Variants in SORCS3 observed in about 807,000 individuals in gnomAD.
SORCS3 encodes VPS10 domain-containing receptor SorCS3.
SORCS3 carries 57 observed loss-of-function variants against 146.3 expected under a neutral mutation model. The ratio of observed to expected loss-of-function variants is 0.39; its 90% CI spans 0.31 to 0.49. The LOEUF is 0.49. Among genes scored for constraint, SORCS3 ranks in the 20% least tolerant of loss-of-function variants. The probability of loss-of-function intolerance (pLI) is 0.92; values close to 1 mark genes in which losing one functional copy is unlikely to be tolerated. For missense variants in SORCS3, 1,341 were observed against 1,575.5 expected, an observed-to-expected ratio of 0.85 and a Z score of 2.52; for synonymous variants, 653 against 618.5, an observed-to-expected ratio of 1.06 and a Z score of -0.83.
intron 5 of SORCS3, among the ~76,000 whole-genome samples, chr10:105,076,494 C>T (rs1437103064): frequency 6.6e-6 from 1 of 152,212 alleles, no homozygotes; most frequent in Non-Finnish European, 1.5e-5. Flanking sequence ...ACTTTACCAA[C>T]CCCACCATCC....
intron 2 of SORCS3, among the ~76,000 whole-genome samples, chr10:104,871,415 T>C (rs930187635): frequency 6.6e-6 from 1 of 152,224 alleles, no homozygotes; most frequent in Non-Finnish European, 1.5e-5. Context: ...AGTGTCCTTT[T>C]AAGAATTCTG....
chr10:104,995,825 C>T lies in SORCS3; in HGVS notation c.954+18332C>T, dbSNP rs191299305. 1.0e-3 allele frequency among the ~76,000 whole-genome samples: 155 copies of T among 152,032 alleles called. 1 individual carries two copies. Among genetic ancestry groups the T allele is most frequent in the African/African-American group, 3.6e-3 (151 of 41,428 alleles). On this transcript the variant is annotated intron_variant, in intron 4 of 26. Transcript: ENST00000369701. Reference sequence around the variant, plus strand: ...TGAGTCATATCCAAGAAATATTTGCCTAAGTCAGTGTTACAATTATCTTTT... The same window carrying T: ...TGAGTCATATCCAAGAAATATTTGCTTAAGTCAGTGTTACAATTATCTTTT...
chr10:105,073,345 G>A (rs1341443324), intron 5 of SORCS3, among the ~76,000 whole-genome samples: 4 of 152,154 alleles, frequency 2.6e-5, no homozygotes, highest in Admixed American at 1.3e-4. Context: ...AGGCCTAGGC[G>A]AAGGGGATAT....
intron 3 of SORCS3, among the ~76,000 whole-genome samples, chr10:104,972,928 C>T (rs569296127): frequency 1.3e-3 from 196 of 152,148 alleles, no homozygotes; most frequent in African/African-American, 4.6e-3. Context: ...TTGTCAAAGG[C>T]CTTTTCTGCA....
rs773731511 is a variant in SORCS3 at position 105,200,026 on chromosome 10, C to T, written c.2037C>T (p.Ser679=). The T allele has an allele frequency of 1.4e-5, 23 of 1,613,490 alleles. No individual in the cohort carries two copies. The highest frequency in any genetic ancestry group is 7.7e-5 in the South Asian group (7 of 91,062). The change falls in exon 15 of 27, where the codon TCC becomes TCT. Residue 679 remains serine (S), a synonymous_variant. Transcript: ENST00000369701. Reference sequence around the variant, plus strand: ...TTTTTGGCCACTTCAGCCTCCGCTCCGAATGGCAATTGGTGAAAGTGGACT... The same window carrying T: ...TTTTTGGCCACTTCAGCCTCCGCTCTGAATGGCAATTGGTGAAAGTGGACT... ...MTVFGHFSLR[S]EWQLVKVDYK...
In SORCS3 at chr10:105,139,499, C is replaced by T. The variant is rs1275177746; in HGVS notation, c.1302+13C>T. 5 of 1,605,248 alleles carry T rather than the reference C, an allele frequency of 3.1e-6. No homozygotes were observed. The highest frequency in any genetic ancestry group is 4.3e-6 in the Non-Finnish European group (5 of 1,172,396). On this transcript the variant is annotated intron_variant, in intron 8 of 26. Transcript: ENST00000369701. ...CTCGTTGCCAAAGGTACTGCATGCACCACTAGCGGTCCTGGGTCCCTCTAG... is the reference window on the plus strand; with the variant it reads ...CTCGTTGCCAAAGGTACTGCATGCATCACTAGCGGTCCTGGGTCCCTCTAG...
chr10:104,705,973 G>C (rs925744215), intron 1 of SORCS3, among the ~76,000 whole-genome samples: 1 of 152,124 alleles, frequency 6.6e-6, no homozygotes, highest in African/African-American at 2.4e-5. Context: ...CTTAACCACT[G>C]TCTGCAAAAT....
intron 20 of SORCS3, among the ~76,000 whole-genome samples, chr10:105,224,461 T>C (rs1400877985): frequency 6.6e-6 from 1 of 152,204 alleles, no homozygotes; most frequent in Non-Finnish European, 1.5e-5. Flanking sequence ...TGTCTGAATG[T>C]ATCACAGTTT....
intron 2 of SORCS3, among the ~76,000 whole-genome samples, chr10:104,872,985 C>G (rs1181826594): frequency 6.6e-6 from 1 of 152,220 alleles, no homozygotes; most frequent in Admixed American, 6.5e-5. Context: ...CACACACATA[C>G]ACACAAGCAC....
intron 2 of SORCS3, among the ~76,000 whole-genome samples, chr10:104,884,438 T>C (rs1472685395): frequency 1.3e-5 from 2 of 152,184 alleles, no homozygotes; most frequent in Non-Finnish European, 2.9e-5. Context: ...CTTTTAGCGT[T>C]ATATACAGTA....
At chr10:105,024,824 T>G (rs1403930049) in intron 4 of SORCS3, among the ~76,000 whole-genome samples, 1 of 152,202 alleles carries the variant, frequency 6.6e-6, no homozygotes, top group African/African-American at 2.4e-5. Context: ...GGTTTGAAGC[T>G]TTCAGACCGA....
chr10:105,234,614 C>T (rs2056782830), intron 20 of SORCS3, among the ~76,000 whole-genome samples: 1 of 150,410 alleles, frequency 6.6e-6, no homozygotes, highest in East Asian at 2.0e-4. Context: ...GAGATGTTCT[C>T]AAGCTCAGAG....
At chr10:104,880,690 A>T (rs2018621727) in intron 2 of SORCS3, among the ~76,000 whole-genome samples, 1 of 152,126 alleles carries the variant, frequency 6.6e-6, no homozygotes, top group Non-Finnish European at 1.5e-5. Context: ...TTCTTGCAGA[A>T]CATTTCAAGT....
chr10:104,666,755 G>A (rs551187066), intron 1 of SORCS3, among the ~76,000 whole-genome samples: 3 of 152,198 alleles, frequency 2.0e-5, no homozygotes, highest in Non-Finnish European at 4.4e-5. Flanking sequence ...ATAGGTGCAT[G>A]CCTCCATACC....
intron 1 of SORCS3, among the ~76,000 whole-genome samples, chr10:104,718,381 A>G (rs1462732017): frequency 2.0e-5 from 3 of 152,190 alleles, no homozygotes; most frequent in Non-Finnish European, 2.9e-5. Context: ...CGTTCCCTCC[A>G]TAATGACATT....
At chr10:104,777,104 G>A (rs922967822) in intron 1 of SORCS3, among the ~76,000 whole-genome samples, 3 of 152,100 alleles carry the variant, frequency 2.0e-5, no homozygotes, top group African/African-American at 7.2e-5. Context: ...CTCCTTCTGG[G>A]ACCCCAGAAT....
chr10:104,944,767 TA>T (rs1404165574), intron 3 of SORCS3, among the ~76,000 whole-genome samples: 3 of 152,200 alleles, frequency 2.0e-5, no homozygotes, highest in Non-Finnish European at 4.4e-5. Context: ...TAACTTGTTA[TA>T]ACCACTTTAG....
chr10:105,059,278 G>C (rs73342214), intron 5 of SORCS3, among the ~76,000 whole-genome samples: 8,980 of 152,184 alleles, frequency 0.059, 288 homozygotes, highest in Middle Eastern at 0.088. Context: ...GAAGACATTG[G>C]CACCTCCAGG....
chr10:104,773,559 A>G (rs1272879166), intron 1 of SORCS3, among the ~76,000 whole-genome samples: 1 of 152,230 alleles, frequency 6.6e-6, no homozygotes, highest in Non-Finnish European at 1.5e-5. Context: ...CACCACTGCC[A>G]GCTGACGCAG....
Sources: allele counts gnomAD v4.1 joint callset (sites outside exome capture counted in the v4.1 genomes callset), GRCh38; gene constraint gnomAD v4.1.1; transcripts MANE v1.5; gene names NCBI Gene and HGNC (gene_info 2026-07-23, HGNC 2026-07-21).